Variants in BICC1 observed in about 807,000 individuals in gnomAD.
BICC1 encodes BicC family RNA binding protein 1.
Under a neutral mutation model 111.0 loss-of-function variants are expected in BICC1, and 43 were observed. That is an observed-to-expected ratio of 0.39 (90% CI 0.30 to 0.50). The LOEUF (loss-of-function observed/expected upper bound fraction) is 0.50, where lower values mean the gene tolerates loss of function less well. Ranked by LOEUF, BICC1 falls within the 20% of genes least tolerant of loss-of-function variation. The pLI is 0.88. For synonymous variants in BICC1, 467 were observed against 434.4 expected (o/e 1.07, Z -0.93); for missense variants, 1,091 against 1,203.2 (o/e 0.91, Z 1.38).
At chr10:58,693,094 A>G (rs1292530802) in intron 2 of BICC1, among the ~76,000 whole-genome samples, 1 of 151,952 alleles carries the variant, frequency 6.6e-6, no homozygotes, top group Non-Finnish European at 1.5e-5. Flanking sequence ...CCCACCTATG[A>G]GTGAGAACAT....
In BICC1 at chr10:58,701,674, T is replaced by C. The variant is rs528752439; in HGVS notation, c.238-400T>C. On this transcript the variant is annotated intron_variant, in intron 2 of 20. Transcript: ENST00000373886. ...TTAGTATGGTCTAACTCATGCAGTTTTGTATTACAGGAATCATGTTTGGTG... is the reference window on the plus strand; with the variant it reads ...TTAGTATGGTCTAACTCATGCAGTTCTGTATTACAGGAATCATGTTTGGTG... Among the ~76,000 whole-genome samples, 6 of 152,308 alleles carry C rather than the reference T, an allele frequency of 3.9e-5. No homozygotes were observed. The East Asian group carries it at 1.2e-3, about 29-fold the overall frequency.
intron 3 of BICC1, among the ~76,000 whole-genome samples, chr10:58,783,621 AAAGGTG>A (rs1842937434): frequency 1.3e-5 from 2 of 151,818 alleles, no homozygotes; most frequent in African/African-American, 4.8e-5. Flanking sequence ...GAAAGGTGTG[AAAGGTG>A]TGAAAGGTGC....
Position 58,722,079 on chromosome 10 carries a change from A to G in BICC1, c.307+19936A>G, listed in dbSNP as rs558646563. Among the ~76,000 whole-genome samples, 25 of 152,334 alleles carry G rather than the reference A, an allele frequency of 1.6e-4. No individual in the cohort carries two copies. In the Middle Eastern group the frequency reaches 0.01, roughly 62 times the overall value. On this transcript the variant is annotated intron_variant, in intron 3 of 20. Coordinates refer to ENST00000373886, the MANE Select transcript of BICC1 (RefSeq NM_001080512.3). ...TTTTCCTATGATTCTTCATGATCACATTTGCATCCAGATCTTTGAACACTC... is the reference window on the plus strand; with the variant it reads ...TTTTCCTATGATTCTTCATGATCACGTTTGCATCCAGATCTTTGAACACTC...
rs142793042 is a variant in BICC1 at position 58,628,225 on chromosome 10, C to T, written c.237+7324C>T. Among the ~76,000 whole-genome samples the T allele has an allele frequency of 1.4e-3, 216 of 152,220 alleles. 1 individual carries two copies. The highest frequency in any genetic ancestry group is 1.9e-3 in the Non-Finnish European group (128 of 67,984). On this transcript the variant is annotated intron_variant, in intron 2 of 20. Transcript: ENST00000373886. Reference sequence around the variant, plus strand: ...ACAACTACCATCTTATGAAGAAAAACAGATAACAATAACTAAGATAGATTG... The same window carrying T: ...ACAACTACCATCTTATGAAGAAAAATAGATAACAATAACTAAGATAGATTG...
chr10:58,668,707 C>T (rs1486680758), intron 2 of BICC1, among the ~76,000 whole-genome samples: 1 of 152,038 alleles, frequency 6.6e-6, no homozygotes, highest in African/African-American at 2.4e-5. Context: ...AAACCAGAAC[C>T]TAGGAACTTG....
chr10:58,806,663 A>G (rs1843718232), intron 16 of BICC1, 40 bp downstream of exon 16: 2 of 1,506,520 alleles, frequency 1.3e-6, no homozygotes, highest in Non-Finnish European at 1.8e-6. Flanking sequence ...ACTATATTTT[A>G]GTACACTCAT....
intron 7 of BICC1, 61 bp downstream of exon 7, chr10:58,789,517 A>C: frequency 6.6e-7 from 1 of 1,523,738 alleles, no homozygotes; most frequent in Non-Finnish European, 8.9e-7. Context: ...TTTCATTTTT[A>C]AAGAATATTA....
At chr10:58,791,221 A>AT (rs529819539) in intron 8 of BICC1, among the ~76,000 whole-genome samples, 4 of 151,610 alleles carry the variant, frequency 2.6e-5, no homozygotes, top group East Asian at 1.9e-4. Context: ...TGTAATCTTC[A>AT]TTTTTTTTCT....
intron 2 of BICC1, chr10:58,648,786 T>A (rs1838351135): frequency 2.2e-6 from 1 of 452,642 alleles, no homozygotes; most frequent in Non-Finnish European, 2.9e-6. Flanking sequence ...CTTTTCTCTT[T>A]CCTTTCTGCT....
At chr10:58,598,984 G>A (rs867142400) in intron 1 of BICC1, among the ~76,000 whole-genome samples, 4 of 152,046 alleles carry the variant, frequency 2.6e-5, no homozygotes, top group Admixed American at 6.6e-5. Flanking sequence ...AATGGCGATC[G>A]TTAAAAAGTC....
chr10:58,690,126 A>G lies in BICC1; in HGVS notation c.238-11948A>G, dbSNP rs752457286. Among the ~76,000 whole-genome samples, 4 of 152,310 alleles carry G rather than the reference A, an allele frequency of 2.6e-5. No individual in the cohort carries two copies. In the East Asian group the frequency reaches 7.7e-4, roughly 29 times the overall value. On this transcript the variant is annotated intron_variant, in intron 2 of 20. Transcript: ENST00000373886. ...CTGGGCTATCATACAGTGGAATATG[A>G]ATAAAATACATACATACACACACCC... is the stretch of plus-strand genomic sequence containing the variant.
intron 2 of BICC1, among the ~76,000 whole-genome samples, chr10:58,622,771 T>C (rs1472473442): frequency 6.6e-6 from 1 of 152,224 alleles, no homozygotes; most frequent in Admixed American, 6.5e-5. Context: ...TACAGTAGAA[T>C]GAAGTAATGG....
intron 1 of BICC1, among the ~76,000 whole-genome samples, chr10:58,537,337 TGAAC>T (rs1242871416): frequency 8.2e-5 from 10 of 121,446 alleles, no homozygotes; most frequent in Admixed American, 2.0e-4. Flanking sequence ...AGAAATGGAA[TGAAC>T]TAGAACAAAA....
chr10:58,518,068 G>A (rs991166228), intron 1 of BICC1, among the ~76,000 whole-genome samples: 1 of 152,112 alleles, frequency 6.6e-6, no homozygotes, highest in Non-Finnish European at 1.5e-5. Flanking sequence ...ACTAAGTAAA[G>A]CTCCATTAGA....
Position 58,789,901 on chromosome 10 carries a change from G to C in BICC1, c.1015G>C (p.Glu339Gln), listed in dbSNP as rs1427065932. The C allele has an allele frequency of 1.2e-6, 2 of 1,614,008 alleles. No homozygotes were observed. The highest frequency in any genetic ancestry group is 1.7e-5 in the Admixed American group (1 of 59,986). Residue 339 changes from glutamate to glutamine, a missense_variant, in exon 8 of 21, where the codon GAG (glutamate) becomes CAG (glutamine). This residue lies in a region of BICC1 where 843 missense variants were observed against 900.8 expected (regional missense o/e 0.94). Transcript: ENST00000373886. ...KSTVYLQGTIESVCLARQYLM... is the reference protein window; with the variant it reads ...KSTVYLQGTIQSVCLARQYLM... ...TACCGTCTACCTCCAGGGCACCATT[G>C]AGTCTGTCTGTCTTGCAAGGCAATA...
At chr10:58,626,242 C>G (rs1238297556) in intron 2 of BICC1, among the ~76,000 whole-genome samples, 1 of 152,172 alleles carries the variant, frequency 6.6e-6, no homozygotes, top group Non-Finnish European at 1.5e-5. Flanking sequence ...TGCGTCATTA[C>G]TAATGAAAAC....
chr10:58,531,649 A>G (rs948266416), intron 1 of BICC1, among the ~76,000 whole-genome samples: 18 of 152,000 alleles, frequency 1.2e-4, no homozygotes, highest in African/African-American at 4.3e-4. Context: ...AAATTAGTGC[A>G]CTACAAGAAA....
chr10:58,603,544 T>C (rs1845111440), intron 1 of BICC1, among the ~76,000 whole-genome samples: 1 of 152,188 alleles, frequency 6.6e-6, no homozygotes, highest in East Asian at 1.9e-4. Context: ...GTCAGTCCAC[T>C]GTAGAGCGTA....
upstream of BICC1, among the ~76,000 whole-genome samples, chr10:58,512,859 G>T (rs1047540128): frequency 6.7e-6 from 1 of 148,402 alleles, no homozygotes; most frequent in Non-Finnish European, 1.5e-5. Flanking sequence ...GGCGCGGGCA[G>T]CGCGGCGCGC....
Sources: gnomAD v4.1 joint callset for allele counts (sites outside exome capture counted in the v4.1 genomes callset) on GRCh38, gnomAD v4.1.1 for gene constraint, gnomAD v4.1.1 regional missense constraint, MANE v1.5 for transcripts, NCBI Gene and HGNC (gene_info 2026-07-23, HGNC 2026-07-21) for gene names.